The following CRADD variants were observed in gnomAD, a reference collection of about 807,000 sequenced individuals.
The protein encoded by CRADD is death domain-containing protein CRADD.
CRADD carries 9 observed loss-of-function variants against 15.5 expected under a neutral mutation model. That is an observed-to-expected ratio of 0.58 (90% CI 0.35 to 1.01). CRADD has a LOEUF of 1.01. Among genes scored for constraint, CRADD ranks in the 50% least tolerant of loss-of-function variants. The pLI, the probability that CRADD is intolerant of heterozygous loss-of-function variation, is 0.02. For synonymous variants in CRADD, 118 were observed against 107.6 expected, an observed-to-expected ratio of 1.10 and a Z score of -0.60; for missense variants, 227 against 250.3, an observed-to-expected ratio of 0.91 and a Z score of 0.63.
At chr12:93,759,928 C>G (rs1956931180) in intron 2 of CRADD, among the ~76,000 whole-genome samples, 1 of 152,124 alleles carries the variant, frequency 6.6e-6, no homozygotes, top group African/African-American at 2.4e-5. Flanking sequence ...GGCTGACCAC[C>G]TTGTCAGTTA....
chr12:93,689,911 CTT>C (rs1439656049), intron 2 of CRADD, among the ~76,000 whole-genome samples: 1 of 152,098 alleles, frequency 6.6e-6, no homozygotes, highest in Admixed American at 6.5e-5. Flanking sequence ...TGGAAGGGAT[CTT>C]AGAAACACTT....
rs534230285 is a variant in CRADD at position 93,730,770 on chromosome 12, C to T, written c.298+51698C>T. On this transcript the variant is annotated intron_variant, in intron 2 of 2. Transcript: ENST00000332896. ...TTGCCCTGTCACTCTGGCTGGAGTG[C>T]AGTGGCACAATCTCGGCTCACTGCA... Among the ~76,000 whole-genome samples the T allele has an allele frequency of 5.4e-5, 8 of 149,244 alleles. No individual in the cohort carries two copies. The South Asian group carries it at 1.7e-3, about 32-fold the overall frequency.
At chr12:93,890,178 T>C (rs937521198) in intron 2 of CRADD, among the ~76,000 whole-genome samples, 1 of 152,246 alleles carries the variant, frequency 6.6e-6, no homozygotes, top group Non-Finnish European at 1.5e-5. Context: ...GCTGTGTGTA[T>C]TTTGGATAGG....
chr12:93,728,748 A>G (rs1390754970), intron 2 of CRADD, among the ~76,000 whole-genome samples: 14 of 152,224 alleles, frequency 9.2e-5, no homozygotes, highest in Non-Finnish European at 1.5e-4. Context: ...AGATGCAAAA[A>G]TCATCAACAA....
intron 2 of CRADD, among the ~76,000 whole-genome samples, chr12:93,759,939 C>T (rs1250582398): frequency 6.6e-6 from 1 of 152,170 alleles, no homozygotes; most frequent in East Asian, 1.9e-4. Flanking sequence ...TTGTCAGTTA[C>T]TCCCATCTGA....
intron 2 of CRADD, among the ~76,000 whole-genome samples, chr12:93,817,169 G>T (rs772798647): frequency 6.6e-6 from 1 of 152,018 alleles, no homozygotes; most frequent in Non-Finnish European, 1.5e-5. Context: ...CGCTGTCACT[G>T]TCTCCTAATT....
At chr12:93,745,592 C>T (rs1291777034) in intron 2 of CRADD, among the ~76,000 whole-genome samples, 2 of 152,166 alleles carry the variant, frequency 1.3e-5, no homozygotes, top group African/African-American at 4.8e-5. Flanking sequence ...GAAACCAGTA[C>T]CTCCTCAGCC....
At chr12:93,830,921 G>A (rs1957890226) in intron 2 of CRADD, among the ~76,000 whole-genome samples, 2 of 152,180 alleles carry the variant, frequency 1.3e-5, no homozygotes, top group Admixed American at 1.3e-4. Flanking sequence ...CACCTAAAAT[G>A]TACTTGGCAA....
chr12:93,829,440 G>C (rs1957864637), intron 2 of CRADD, among the ~76,000 whole-genome samples: 1 of 152,164 alleles, frequency 6.6e-6, no homozygotes, highest in African/African-American at 2.4e-5. Context: ...GTAGGAGAGT[G>C]GATGCTGGGG....
At chr12:93,721,568 T>A (rs1956264982) in intron 2 of CRADD, among the ~76,000 whole-genome samples, 1 of 152,220 alleles carries the variant, frequency 6.6e-6, no homozygotes, top group Admixed American at 6.5e-5. Flanking sequence ...GCATCTGTAC[T>A]GCACATGTAC....
At chr12:93,812,540 G>A (rs558185135) in intron 2 of CRADD, among the ~76,000 whole-genome samples, 2 of 150,962 alleles carry the variant, frequency 1.3e-5, no homozygotes, top group South Asian at 2.1e-4. Flanking sequence ...AAAAAAAATT[G>A]TATTCTAAGT....
intron 2 of CRADD, among the ~76,000 whole-genome samples, chr12:93,757,081 C>T (rs1250269305): frequency 1.3e-5 from 2 of 152,182 alleles, no homozygotes; most frequent in Non-Finnish European, 2.9e-5. Context: ...TAAAACTATC[C>T]AACCACTTTT....
chr12:93,838,602 T>C (rs1958009647), intron 2 of CRADD, among the ~76,000 whole-genome samples: 1 of 151,192 alleles, frequency 6.6e-6, no homozygotes, highest in South Asian at 2.1e-4. Context: ...CAGTTTATGG[T>C]CTACTTCACT....
chr12:93,725,095 C>T (rs1010100790), intron 2 of CRADD, among the ~76,000 whole-genome samples: 12 of 152,234 alleles, frequency 7.9e-5, no homozygotes, highest in Admixed American at 1.3e-4. Flanking sequence ...CTCCTGACCT[C>T]GTGATTCGCC....
intron 2 of CRADD, among the ~76,000 whole-genome samples, chr12:93,834,319 TTTCC>T (rs1389931513): frequency 2.0e-5 from 3 of 152,114 alleles, no homozygotes; most frequent in Non-Finnish European, 2.9e-5. Context: ...TTTCACTCTT[TTTCC>T]TTCCTTCCTT....
intron 2 of CRADD, chr12:93,838,128 C>T (rs1041327680): frequency 2.0e-5 from 3 of 151,694 alleles, no homozygotes; most frequent in Admixed American, 2.0e-4. Context: ...ATGATTTCTC[C>T]ATCTCTCTGT....
chr12:93,877,484 AACCTT>A (rs761107354), intron 2 of CRADD, among the ~76,000 whole-genome samples: 3 of 152,192 alleles, frequency 2.0e-5, no homozygotes, highest in South Asian at 4.1e-4. Context: ...TACAGTCAAA[AACCTT>A]AGAAGTCTAT....
intron 2 of CRADD, among the ~76,000 whole-genome samples, chr12:93,779,803 G>T (rs1010645679): frequency 5.9e-5 from 9 of 152,052 alleles, no homozygotes; most frequent in African/African-American, 2.2e-4. Flanking sequence ...TGGCCAGGCT[G>T]GTCTCGAACT....
rs1957806184 is a variant in CRADD, at chr12:93,824,777, G to C, written c.299-25193G>C. 6.6e-6 allele frequency among the ~76,000 whole-genome samples: 1 copy of C among 152,158 alleles called. No homozygotes were observed. The highest frequency in any genetic ancestry group is 6.5e-5 in the Admixed American group (1 of 15,278). ...GGTGTCTGTGTCTCCTGCCCAGGGG[G>C]AATGGCCCTTCTGTCCATGGAATGT... On this transcript the variant is annotated intron_variant, in intron 2 of 2. Coordinates refer to ENST00000332896, the MANE Select transcript of CRADD (RefSeq NM_003805.5). The surrounding 1 kb of genome is among the most constrained non-coding windows in gnomAD (Gnocchi z 4.3).
Sources: allele counts gnomAD v4.1 joint callset (sites outside exome capture counted in the v4.1 genomes callset), GRCh38; gene constraint gnomAD v4.1.1; non-coding constraint Gnocchi (gnomAD v3.1); transcripts MANE v1.5; gene names NCBI Gene and HGNC (gene_info 2026-07-23, HGNC 2026-07-21).